PREX2: variants seen among roughly 807,000 people sequenced by gnomAD.
PREX2 encodes phosphatidylinositol-3,4,5-trisphosphate dependent Rac exchange factor 2.
In PREX2, 107 loss-of-function variants were observed where a neutral mutation model predicts 203.2. That is an observed-to-expected ratio of 0.53 (90% CI 0.45 to 0.62). PREX2 has a LOEUF of 0.62. Among genes scored for constraint, PREX2 ranks in the 20% least tolerant of loss-of-function variants. The probability of loss-of-function intolerance (pLI) is 0.00; values close to 1 mark genes in which losing one functional copy is unlikely to be tolerated. For missense variants in PREX2, 1,777 were observed against 1,955.9 expected, an observed-to-expected ratio of 0.91 and a Z score of 1.72; for synonymous variants, 672 against 663.6, an observed-to-expected ratio of 1.01 and a Z score of -0.19.
Position 68,087,728 on chromosome 8 carries a change from GT to G in PREX2, c.2033del (p.Val678GlyfsTer25). ...CTTATTTTCTGATTGATTTAGGACA[GT>G]GAAAATTCCAGATTCAGCTGATGGA... ...VLVSTKPRETVKIPDSADGLG... is the reference protein window; with the variant it reads ...VLVSTKPRETXKIPDSADGLG... On this transcript the variant is annotated frameshift_variant, in exon 19 of 40. Transcript: ENST00000288368. LOFTEE classifies it high-confidence loss of function. 1 of 1,611,976 alleles carries G rather than the reference GT, an allele frequency of 6.2e-7. No individual in the cohort carries two copies. Among genetic ancestry groups the G allele is most frequent in the Non-Finnish European group, 8.5e-7 (1 of 1,178,096 alleles).
chr8:68,154,865 C>T (rs1367664266), intron 34 of PREX2, among the ~76,000 whole-genome samples: 2 of 152,160 alleles, frequency 1.3e-5, no homozygotes, highest in African/African-American at 4.8e-5. Flanking sequence ...CTTATATACC[C>T]TTCTTCATAG....
chr8:68,076,456 TAA>T (rs75007407), intron 14 of PREX2, among the ~76,000 whole-genome samples: 42 of 149,224 alleles, frequency 2.8e-4, no homozygotes, highest in South Asian at 1.9e-3. Flanking sequence ...GACTCCATCT[TAA>T]AAAAAAAATA....
intron 35 of PREX2, among the ~76,000 whole-genome samples, chr8:68,187,044 T>TA (rs397803509): frequency 3.0e-4 from 46 of 151,858 alleles, no homozygotes; most frequent in African/African-American, 1.0e-3. Context: ...TTTTTTTTTT[T>TA]AAGGAACATC....
chr8:68,193,972 A>G (rs1258779108), intron 37 of PREX2, among the ~76,000 whole-genome samples: 1 of 152,240 alleles, frequency 6.6e-6, no homozygotes, highest in Non-Finnish European at 1.5e-5. Context: ...TTGGCAAAAT[A>G]TGCAGAATTT....
rs190691731 is a variant in PREX2, at chr8:67,971,956, C to T, written c.141+19421C>T. On this transcript the variant is annotated intron_variant, in intron 1 of 39. Transcript: ENST00000288368. ...TCCCATGGAGGACTGATGTATTTTCCAAAGTTCTTTGTTGTGATGAGATAT... is the reference window on the plus strand; with the variant it reads ...TCCCATGGAGGACTGATGTATTTTCTAAAGTTCTTTGTTGTGATGAGATAT... Among the ~76,000 whole-genome samples the T allele has an allele frequency of 3.2e-3, 489 of 152,206 alleles. 1 individual carries two copies. Among genetic ancestry groups the T allele is most frequent in the Non-Finnish European group, 5.8e-3 (397 of 67,978 alleles).
intron 32 of PREX2, among the ~76,000 whole-genome samples, chr8:68,134,506 T>C (rs1260428722): frequency 1.3e-5 from 2 of 152,158 alleles, no homozygotes; most frequent in East Asian, 3.9e-4. Flanking sequence ...TGCTAAAAGC[T>C]GAGAAAGCCT....
At chr8:68,227,436 C>T (rs1813075720) in intron 39 of PREX2, among the ~76,000 whole-genome samples, 1 of 152,102 alleles carries the variant, frequency 6.6e-6, no homozygotes. Context: ...GGGAGCTCAG[C>T]TTGGTAGTAC....
At chr8:67,993,042 A>G (rs912622386) in intron 1 of PREX2, among the ~76,000 whole-genome samples, 2 of 152,210 alleles carry the variant, frequency 1.3e-5, no homozygotes, top group African/African-American at 2.4e-5. Flanking sequence ...TCCTTGGCTT[A>G]CGTTTGTAAG....
intron 35 of PREX2, among the ~76,000 whole-genome samples, chr8:68,168,174 A>G (rs1405648354): frequency 6.6e-6 from 1 of 152,176 alleles, no homozygotes; most frequent in Admixed American, 6.5e-5. Flanking sequence ...TACATGTACT[A>G]CGTTTATCTT....
At position 68,069,105 on chromosome 8, in the gene PREX2, CAAG is replaced by C; in HGVS notation, c.1415_1417del (p.Arg472del). The C allele has an allele frequency of 6.4e-7, 1 of 1,571,162 alleles. No individual in the cohort carries two copies. The highest frequency in any genetic ancestry group is 2.4e-5 in the East Asian group (1 of 42,096). Reference sequence around the variant, plus strand: ...CGCTATGATGATGGAACATTTTATCCAAGAAATGAGATGCAGGACGTGATTTCA... The same window carrying C: ...CGCTATGATGATGGAACATTTTATCCAAATGAGATGCAGGACGTGATTTCA... On this transcript the variant is annotated inframe_deletion, in exon 12 of 40. Coordinates refer to ENST00000288368, the MANE Select transcript of PREX2 (RefSeq NM_024870.4).
intron 1 of PREX2, among the ~76,000 whole-genome samples, chr8:67,981,218 A>T (rs1176483606): frequency 6.6e-6 from 1 of 152,212 alleles, no homozygotes; most frequent in Middle Eastern, 3.2e-3. Flanking sequence ...TTGATAAAAG[A>T]AGCGAATGTC....
intron 25 of PREX2, 27 bp from the exon 26 acceptor site, chr8:68,115,726 G>T (rs192281012): frequency 6.5e-7 from 1 of 1,547,730 alleles, no homozygotes; most frequent in Non-Finnish European, 8.8e-7. Context: ...TTGAAAATGT[G>T]CATTTTTTTT....
rs900347848 is a variant in PREX2, at chr8:68,025,481, G to T, written c.442-1741G>T. Among the ~76,000 whole-genome samples the T allele has an allele frequency of 4.6e-5, 7 of 151,988 alleles. No individual in the cohort carries two copies. In the South Asian group the frequency reaches 1.5e-3, roughly 32 times the overall value. On this transcript the variant is annotated intron_variant, in intron 4 of 39. Transcript: ENST00000288368. ...CAGTAGTTCAATGATGTGTTTATGT[G>T]TGGGGATGATTGTACATTTCTTATT...
chr8:67,992,197 T>C (rs947686596), intron 1 of PREX2, among the ~76,000 whole-genome samples: 2 of 152,120 alleles, frequency 1.3e-5, no homozygotes, highest in Admixed American at 1.3e-4. Context: ...TGGAATGCCA[T>C]ATTGGTCTTA....
rs780246275 is a variant in PREX2, at chr8:68,108,120, A to G, written c.2727A>G (p.Val909=). The G allele has an allele frequency of 1.2e-6, 2 of 1,611,892 alleles. No individual in the cohort carries two copies. Residue 909 remains valine, a synonymous_variant, in exon 24 of 40, where the codon GTA becomes GTG. Transcript: ENST00000288368. ...TCTTTAATTTGCAGTTTTCTCGTGT[A>G]CTGAAGAATAGGGCCTGGCCTACTT... ...RISSYKKFSR[V]LKNRAWPTFK...
intron 1 of PREX2, among the ~76,000 whole-genome samples, chr8:68,000,068 C>T (rs1806894862): frequency 6.6e-6 from 1 of 152,138 alleles, no homozygotes; most frequent in Non-Finnish European, 1.5e-5. Context: ...GACAAGGATG[C>T]CCTCTCTCAC....
chr8:68,158,789 TCTCATTTCCCC>T (rs1776075379), intron 35 of PREX2, among the ~76,000 whole-genome samples: 1 of 152,182 alleles, frequency 6.6e-6, no homozygotes, highest in Admixed American at 6.5e-5. Context: ...TATTTTCTTC[TCTCATTTCCCC>T]CTTTTGATCA....
At chr8:68,068,714 T>A (rs1211496444) in intron 11 of PREX2, among the ~76,000 whole-genome samples, 3 of 152,118 alleles carry the variant, frequency 2.0e-5, no homozygotes, top group Non-Finnish European at 1.5e-5. Flanking sequence ...TTTATATAAA[T>A]GTACACATTG....
chr8:68,206,436 C>A (rs1240738569), intron 37 of PREX2, among the ~76,000 whole-genome samples: 6 of 152,148 alleles, frequency 3.9e-5, no homozygotes, highest in Admixed American at 2.6e-4. Context: ...ATAGGATAAC[C>A]CCTGTAAGAG....
Sources: gnomAD v4.1 joint callset for allele counts (sites outside exome capture counted in the v4.1 genomes callset) on GRCh38, gnomAD v4.1.1 for gene constraint, MANE v1.5 for transcripts, NCBI Gene and HGNC (gene_info 2026-07-23, HGNC 2026-07-21) for gene names.